The following DCAF11 variants were observed in gnomAD, a reference collection of about 807,000 sequenced individuals.
The protein encoded by DCAF11 is DDB1- and CUL4-associated factor 11.
In DCAF11, 44 loss-of-function variants were observed where a neutral mutation model predicts 76.1. The ratio of observed to expected loss-of-function variants is 0.58; its 90% confidence interval spans 0.45 to 0.74. The LOEUF (loss-of-function observed/expected upper bound fraction) is 0.74, where lower values mean the gene tolerates loss of function less well. DCAF11 is among the 30% of genes least tolerant of loss of function. The pLI is 0.00. For missense variants in DCAF11, 604 were observed against 709.4 expected, an observed-to-expected ratio of 0.85 and a Z score of 1.69; for synonymous variants, 258 against 255.0, an observed-to-expected ratio of 1.01 and a Z score of -0.11.
Position 24,117,190 on chromosome 14 carries a change from G to A in DCAF11, c.284-76G>A. ...CCCCAGTATATTCAGCCACAGGGGT[G>A]GGCTTGGGTACAGTTCTGCTAACTG... On this transcript the variant is annotated intron_variant, in intron 3 of 14. Transcript: ENST00000446197. The surrounding 1 kb of genome is among the most constrained non-coding windows in gnomAD (Gnocchi z 4.3). 6.2e-7 allele frequency: 1 copy of A among 1,604,862 alleles called. No individual in the cohort carries two copies. Among genetic ancestry groups the A allele is most frequent in the South Asian group, 1.1e-5 (1 of 90,140 alleles).
At position 24,117,561 on chromosome 14, in the gene DCAF11, T is replaced by C. The variant is rs2037605754; in HGVS notation, c.412-107T>C. 1 of 1,517,924 alleles carries C rather than the reference T, an allele frequency of 6.6e-7. No homozygotes were observed. The highest frequency in any genetic ancestry group is 9.0e-7 in the Non-Finnish European group (1 of 1,106,680). 94.0% of individuals were successfully genotyped at this position (1,517,924 alleles called of 1,614,324 possible). ...GTTCTGTGGGACAGACTATGATGTG[T>C]GTGTCCATTTCTATAACAAGAGCAA... On this transcript the variant is annotated intron_variant, in intron 4 of 14. Transcript: ENST00000446197. This position sits in a 1 kb window ranked among gnomAD's most constrained non-coding sequence, Gnocchi z 4.3.
rs2037612034 is a variant in DCAF11 at position 24,117,867 on chromosome 14, A to G, written c.476+135A>G. On this transcript the variant is annotated intron_variant, in intron 5 of 14. Coordinates refer to ENST00000446197, the MANE Select transcript of DCAF11 (RefSeq NM_025230.5). The surrounding 1 kb of genome is among the most constrained non-coding windows in gnomAD (Gnocchi z 4.3). ...AATGGGGTTGAAACTTTGAGAGTAA[A>G]CAAAGTAGAAAAGTGTAGAAAATTG... The G allele has an allele frequency of 3.8e-6, 4 of 1,039,902 alleles. No homozygotes were observed. 64.4% of individuals were successfully genotyped at this position (1,039,902 alleles called of 1,614,324 possible).
chr14:24,119,651 T>G, intron 10 of DCAF11, 35 bp downstream of exon 10: 1 of 1,614,044 alleles, frequency 6.2e-7, no homozygotes, highest in Non-Finnish European at 8.5e-7. Flanking sequence ...TGCCTCCTGG[T>G]TTTTGGCTTT....
rs748156429 is a variant in DCAF11 at position 24,119,167 on chromosome 14, G to A, written c.802G>A (p.Val268Ile). Residue 268 changes from valine (V) to isoleucine (I), a missense_variant, in exon 9 of 15, where the codon GTC becomes ATC. Physicochemically the swap from Val to Ile is conservative, Grantham distance 29. Transcript: ENST00000446197. ...DLRPDERRFA[V>I]FSIAVSSDGR... ...TAGGCCAGATGAGCGTCGCTTTGCT[G>A]TCTTCTCCATTGCTGTCTCCTCAGA... is the stretch of plus-strand genomic sequence containing the variant. 7.4e-6 allele frequency: 12 copies of A among 1,614,102 alleles called. No individual in the cohort carries two copies. In the Admixed American group the frequency reaches 1.5e-4, roughly 20 times the overall value.
chr14:24,117,479 T>A lies in DCAF11; in HGVS notation c.411+86T>A. 6.3e-7 allele frequency: 1 copy of A among 1,589,338 alleles called. No homozygotes were observed. Among genetic ancestry groups the A allele is most frequent in the Non-Finnish European group, 8.6e-7 (1 of 1,167,216 alleles). On this transcript the variant is annotated intron_variant, in intron 4 of 14. Transcript: ENST00000446197. The surrounding 1 kb of genome is among the most constrained non-coding windows in gnomAD (Gnocchi z 4.3). ...AGCCCCAGAGAAAAAGGAAGTCAAC[T>A]TTCCAAAGTAGAAGCCTCAAGCGCT...
At chr14:24,121,305 G>A (rs779545142) in intron 12 of DCAF11, 60 bp from the exon 13 acceptor site, 1 of 1,604,272 alleles carries the variant, frequency 6.2e-7, no homozygotes, top group Non-Finnish European at 8.5e-7. Context: ...AGGACTGGTG[G>A]TACGAAACAA....
At position 24,118,493 on chromosome 14, in the gene DCAF11, CTG is replaced by C; in HGVS notation, c.684_685del (p.Asp229TrpfsTer8). 1 of 1,614,216 alleles carries C rather than the reference CTG, an allele frequency of 6.2e-7. No homozygotes were observed. Among genetic ancestry groups the C allele is most frequent in the Non-Finnish European group, 8.5e-7 (1 of 1,180,040 alleles). On this transcript the variant is annotated frameshift_variant, in exon 7 of 15. Transcript: ENST00000446197. LOFTEE classifies it high-confidence loss of function. ...AGCGTCTTGGATGTGGCCTTCACCC[CTG>C]ATGGGAACCACTTCCTCTACTCTAG...
At chr14:24,121,060 G>A in intron 12 of DCAF11, 69 bp downstream of exon 12, 1 of 1,577,634 alleles carries the variant, frequency 6.3e-7, no homozygotes, top group Non-Finnish European at 8.6e-7. Flanking sequence ...CTCCCCCTCA[G>A]CCCTCTTTGC....
intron 2 of DCAF11, 49 bp downstream of exon 2, chr14:24,115,798 T>C: frequency 1.9e-6 from 3 of 1,579,944 alleles, no homozygotes; most frequent in Non-Finnish European, 2.6e-6. Context: ...CACAGTGCCT[T>C]GATCCCAACT....
chr14:24,118,115 C>A lies in DCAF11; in HGVS notation c.537C>A (p.Ile179=). 1 of 1,613,240 alleles carries A rather than the reference C, an allele frequency of 6.2e-7. No homozygotes were observed. Among genetic ancestry groups the A allele is most frequent in the Non-Finnish European group, 8.5e-7 (1 of 1,179,772 alleles). The change falls in exon 6 of 15, where the codon ATC becomes ATA. Residue 179 remains isoleucine (I), a synonymous_variant. Transcript: ENST00000446197. The part of the protein sequence containing the change: ...DSYSQKAFCG[I]YSKDGQIFMS... ...ACTCTCAGAAGGCTTTCTGTGGCAT[C>A]TACAGCAAAGATGGTCAAATATTCA...
chr14:24,118,816 C>T lies in DCAF11; in HGVS notation c.779+12C>T. On this transcript the variant is annotated intron_variant, in intron 8 of 14. Transcript: ENST00000446197. ...GCCCTGGATCTCAGGTACTGGCTTC[C>T]CTTTCTGGTCAGACTCATCAGAAAC... The T allele has an allele frequency of 6.2e-7, 1 of 1,613,882 alleles. No homozygotes were observed. Among genetic ancestry groups the T allele is most frequent in the East Asian group, 2.2e-5 (1 of 44,884 alleles).
In DCAF11 at chr14:24,114,899, G is replaced by C. The variant is rs931632787; in HGVS notation, c.-608G>C. On this transcript the variant is annotated 5_prime_UTR_variant, in exon 1 of 15. Transcript: ENST00000446197. ...GGTGTAAACAAGGCCTCGCGCCGCT[G>C]CGGGTCCTGCGACCGCTCCTGGCTG... The C allele has an allele frequency of 3.0e-6, 3 of 985,860 alleles. No homozygotes were observed. Among genetic ancestry groups the C allele is most frequent in the East Asian group, 2.3e-4 (2 of 8,832 alleles). The allele number at this position is 985,860 out of a possible 1,614,324, so 61.1% of individuals were successfully genotyped here.
intron 2 of DCAF11, among the ~76,000 whole-genome samples, 157 bp downstream of exon 2, chr14:24,115,906 C>T (rs924219072): frequency 6.6e-6 from 1 of 152,184 alleles, no homozygotes; most frequent in Non-Finnish European, 1.5e-5. Flanking sequence ...ACCCATGGCA[C>T]TCAGCTCCAT....
Position 24,116,905 on chromosome 14 carries a change from G to T in DCAF11, c.156-12G>T, listed in dbSNP as rs751503186. ...AGAAGTCCCCTCCTTTATAATGGGG[G>T]TCTCTCCACAGAGGCCAAGTGAGGT... On this transcript the variant is annotated splice_polypyrimidine_tract_variant and intron_variant, in intron 2 of 14. Coordinates refer to ENST00000446197, the MANE Select transcript of DCAF11 (RefSeq NM_025230.5). 1.2e-6 allele frequency: 2 copies of T among 1,614,044 alleles called. No individual in the cohort carries two copies. Among genetic ancestry groups the T allele is most frequent in the Non-Finnish European group, 8.5e-7 (1 of 1,179,982 alleles).
rs1328130634 is a variant in DCAF11 at position 24,123,057 on chromosome 14, G to A, written c.1486G>A (p.Glu496Lys). The A allele has an allele frequency of 6.8e-6, 11 of 1,614,156 alleles. No homozygotes were observed. The highest frequency in any genetic ancestry group is 8.5e-6 in the Non-Finnish European group (10 of 1,180,042). Residue 496 changes from glutamate to lysine, a missense_variant, in exon 14 of 15, where the codon GAG (glutamate) becomes AAG (lysine). Physicochemically the swap from Glu to Lys is moderately conservative, Grantham distance 56. Transcript: ENST00000446197. ...VRDVSWHPFE[E>K]KIVSSSWDGN... ...TGACGTCAGTTGGCACCCCTTTGAA[G>A]AGAAGATTGTCAGCAGTTCGGTGAG...
Position 24,119,577 on chromosome 14 carries a change from G to T in DCAF11, c.867G>T (p.Leu289=), listed in dbSNP as rs139297459. The change falls in exon 10 of 15, where the codon CTG becomes CTT. Residue 289 remains leucine, a synonymous_variant. Transcript: ENST00000446197. ...EVLGGANDGC[L]YVFDREQNRR... is the part of the protein sequence containing the mutation. Reference sequence around the variant, plus strand: ...CTTTCAGGGCCAATGATGGCTGCCTGTATGTCTTTGACCGAGAACAGAACC... The same window carrying T: ...CTTTCAGGGCCAATGATGGCTGCCTTTATGTCTTTGACCGAGAACAGAACC... 302 of 1,614,212 alleles carry T rather than the reference G, an allele frequency of 1.9e-4. 3 individuals are homozygous for T. In the East Asian group the frequency reaches 6.7e-3, roughly 36 times the overall value.
At position 24,117,601 on chromosome 14, in the gene DCAF11, G is replaced by C. The variant is rs1236414184; in HGVS notation, c.412-67G>C. 6.4e-7 allele frequency: 1 copy of C among 1,572,066 alleles called. No homozygotes were observed. The highest frequency in any genetic ancestry group is 1.7e-5 in the Admixed American group (1 of 58,802). On this transcript the variant is annotated intron_variant, in intron 4 of 14. Coordinates refer to ENST00000446197, the MANE Select transcript of DCAF11 (RefSeq NM_025230.5). This position sits in a 1 kb window ranked among gnomAD's most constrained non-coding sequence, Gnocchi z 4.3. ...AACAAGAGCAATATCTTTGGAGGAG[G>C]GGGCTTGATATGGCTGAAGTGGCCC...
At position 24,117,861 on chromosome 14, in the gene DCAF11, G is replaced by A; in HGVS notation, c.476+129G>A. Reference sequence around the variant, plus strand: ...AGGTTAAATGGGGTTGAAACTTTGAGAGTAAACAAAGTAGAAAAGTGTAGA... The same window carrying A: ...AGGTTAAATGGGGTTGAAACTTTGAAAGTAAACAAAGTAGAAAAGTGTAGA... On this transcript the variant is annotated intron_variant, in intron 5 of 14. Coordinates refer to ENST00000446197, the MANE Select transcript of DCAF11 (RefSeq NM_025230.5). This position sits in a 1 kb window ranked among gnomAD's most constrained non-coding sequence, Gnocchi z 4.3. 3.8e-6 allele frequency: 4 copies of A among 1,062,688 alleles called. No individual in the cohort carries two copies. Among genetic ancestry groups the A allele is most frequent in the Non-Finnish European group, 4.1e-6 (3 of 726,480 alleles). The allele number at this position is 1,062,688 out of a possible 1,614,324, so 65.8% of individuals were successfully genotyped here.
rs1369574542 is a variant in DCAF11, at chr14:24,124,673, A to C, written c.*1364A>C. 1 of 152,306 alleles carries C rather than the reference A, an allele frequency of 6.6e-6. No individual in the cohort carries two copies. Among genetic ancestry groups the C allele is most frequent in the African/African-American group, 2.4e-5 (1 of 41,442 alleles). 9.4% of individuals were successfully genotyped at this position (152,306 alleles called of 1,614,324 possible). On this transcript the variant is annotated 3_prime_UTR_variant, in exon 15 of 15. Transcript: ENST00000446197. ...GTAATCCTAGCACTTTGGGAAGCCA[A>C]AGCTGATGGATCGCTTGAGCCCAGG...
Sources: allele counts gnomAD v4.1 joint callset (sites outside exome capture counted in the v4.1 genomes callset), GRCh38; gene constraint gnomAD v4.1.1; non-coding constraint Gnocchi (gnomAD v3.1); transcripts MANE v1.5; gene names NCBI Gene and HGNC (gene_info 2026-07-23, HGNC 2026-07-21).